PDIK1L: variants seen among roughly 807,000 people sequenced by gnomAD.
The protein encoded by PDIK1L is serine/threonine-protein kinase PDIK1L.
Under a neutral mutation model 27.1 loss-of-function variants are expected in PDIK1L, and 9 were observed. That is an observed-to-expected ratio of 0.33 (90% confidence interval 0.20 to 0.58). The LOEUF is 0.58. PDIK1L is among the 20% of genes least tolerant of loss of function. The pLI is 0.86. For synonymous variants in PDIK1L, 130 were observed against 141.7 expected, an observed-to-expected ratio of 0.92 and a Z score of 0.59; for missense variants, 216 against 413.2, an observed-to-expected ratio of 0.52 and a Z score of 4.14.
chr1:26,119,469 G>A (rs939181145), intron 2 of PDIK1L, among the ~76,000 whole-genome samples: 1 of 152,120 alleles, frequency 6.6e-6, no homozygotes, highest in Non-Finnish European at 1.5e-5. Context: ...AAAACTTGTA[G>A]TGTGAAGAGG....
chr1:26,121,707 A>G (rs1199031814), intron 2 of PDIK1L, 130 bp from the exon 3 acceptor site: 8 of 983,314 alleles, frequency 8.1e-6, no homozygotes, highest in Non-Finnish European at 7.1e-6. Flanking sequence ...GAAAGCACTG[A>G]TTAAATAAAA....
Position 26,118,270 on chromosome 1 carries a change from A to G in PDIK1L, c.286-3567A>G, listed in dbSNP as rs2087915009. ...CAGGAGTTCAAGACTGCAGTGAGCCATGATCGCACCACTGCACTCTAGCCT... is the reference window on the plus strand; with the variant it reads ...CAGGAGTTCAAGACTGCAGTGAGCCGTGATCGCACCACTGCACTCTAGCCT... On this transcript the variant is annotated intron_variant, in intron 2 of 2. Transcript: ENST00000374269. 2.0e-5 allele frequency among the ~76,000 whole-genome samples: 3 copies of G among 152,280 alleles called. No homozygotes were observed. In the South Asian group the frequency reaches 6.2e-4, roughly 32 times the overall value.
At position 26,111,851 on chromosome 1, in the gene PDIK1L, G is replaced by T. The variant is rs750586292; in HGVS notation, c.-82G>T. 2 of 152,186 alleles carry T rather than the reference G, an allele frequency of 1.3e-5. No individual in the cohort carries two copies. Among genetic ancestry groups the T allele is most frequent in the Non-Finnish European group, 2.9e-5 (2 of 68,120 alleles). 9.4% of individuals were successfully genotyped at this position (152,186 alleles called of 1,614,324 possible). A position where few individuals can be genotyped will look rare whatever the true frequency, so the allele number is the denominator to read the frequency against. Reference sequence around the variant, plus strand: ...CTGGAGGCGGCGGCAGCGGAGGCGCGAGCTGCCCGATAATGGCGGCCTGCA... The same window carrying T: ...CTGGAGGCGGCGGCAGCGGAGGCGCTAGCTGCCCGATAATGGCGGCCTGCA... On this transcript the variant is annotated 5_prime_UTR_variant, in exon 1 of 3. Coordinates refer to ENST00000374269, the MANE Select transcript of PDIK1L (RefSeq NM_152835.5). The surrounding 1 kb of genome is among the most constrained non-coding windows in gnomAD (Gnocchi z 4.0).
chr1:26,121,391 T>C (rs2087984842), intron 2 of PDIK1L, among the ~76,000 whole-genome samples: 1 of 152,214 alleles, frequency 6.6e-6, no homozygotes, highest in Admixed American at 6.5e-5. Context: ...GTTGATAGTG[T>C]CTGTGCAATC....
At chr1:26,116,982 T>C (rs1459538206) in intron 2 of PDIK1L, among the ~76,000 whole-genome samples, 2 of 150,472 alleles carry the variant, frequency 1.3e-5, no homozygotes, top group African/African-American at 4.9e-5. Context: ...TCCCAAAGTG[T>C]TGGGATTACA....
At chr1:26,116,536 CCT>C (rs1324065614) in intron 2 of PDIK1L, among the ~76,000 whole-genome samples, 1 of 152,134 alleles carries the variant, frequency 6.6e-6, no homozygotes, top group Non-Finnish European at 1.5e-5. Flanking sequence ...GAAAACAAAA[CCT>C]CTGTTTTTAA....
At chr1:26,116,280 C>T (rs1187739539) in intron 2 of PDIK1L, among the ~76,000 whole-genome samples, 1 of 151,520 alleles carries the variant, frequency 6.6e-6, no homozygotes, top group Non-Finnish European at 1.5e-5. Flanking sequence ...GAGGGTGAAG[C>T]AGGAGGATCA....
At chr1:26,121,043 G>A (rs534057131) in intron 2 of PDIK1L, among the ~76,000 whole-genome samples, 3 of 151,662 alleles carry the variant, frequency 2.0e-5, no homozygotes, top group East Asian at 1.9e-4. Flanking sequence ...GTAAAGGAGC[G>A]TTATAACTAG....
intron 1 of PDIK1L, among the ~76,000 whole-genome samples, chr1:26,113,165 T>C (rs1178981343): frequency 6.6e-6 from 1 of 152,254 alleles, no homozygotes; most frequent in African/African-American, 2.4e-5. Context: ...AACTGTATTC[T>C]AAGTATCCAA....
upstream of PDIK1L, chr1:26,111,182 C>G (rs1306216109): frequency 6.3e-6 from 1 of 157,600 alleles, no homozygotes; most frequent in Non-Finnish European, 1.4e-5. This position sits in a 1 kb window ranked among gnomAD's most constrained non-coding sequence, Gnocchi z 4.0. Context: ...CGCACCCAGC[C>G]CCGCGCCGCC....
chr1:26,116,017 A>G (rs1213785808), intron 2 of PDIK1L, among the ~76,000 whole-genome samples: 1 of 152,152 alleles, frequency 6.6e-6, no homozygotes, highest in East Asian at 1.9e-4. Context: ...CCTGGCCAAC[A>G]TGGCAAAACC....
In PDIK1L at chr1:26,122,542, C is replaced by A; in HGVS notation, c.991C>A (p.Gln331Lys). The change falls in exon 3 of 3, where the codon CAA (glutamine) becomes AAA (lysine). Residue 331 changes from glutamine (Q) to lysine (K), a missense_variant. Transcript: ENST00000374269. This position sits in a 1 kb window ranked among gnomAD's most constrained non-coding sequence, Gnocchi z 5.4. ...TTTTGAACTAGAACTCAGATTAGTA[C>A]AAATTGCATTTAAAGATAGCAGCTG... ...DAFELELRLV[Q>K]IAFKDSSWET is the part of the protein sequence containing the mutation. 6.2e-7 allele frequency: 1 copy of A among 1,608,636 alleles called. No homozygotes were observed. The highest frequency in any genetic ancestry group is 8.5e-7 in the Non-Finnish European group (1 of 1,177,070).
intron 2 of PDIK1L, among the ~76,000 whole-genome samples, chr1:26,119,146 G>A (rs2087931026): frequency 6.6e-6 from 1 of 152,084 alleles, no homozygotes; most frequent in Admixed American, 6.5e-5. Context: ...AGTGGCTTAC[G>A]CCTGCAATCC....
At chr1:26,121,386 T>C (rs2087984800) in intron 2 of PDIK1L, among the ~76,000 whole-genome samples, 1 of 152,198 alleles carries the variant, frequency 6.6e-6, no homozygotes, top group Non-Finnish European at 1.5e-5. Flanking sequence ...GTTATGTTGA[T>C]AGTGTCTGTG....
Position 26,114,274 on chromosome 1 carries a change from CT to C in PDIK1L, c.-17-15del. On this transcript the variant is annotated splice_polypyrimidine_tract_variant and intron_variant, in intron 1 of 2. Transcript: ENST00000374269. This position sits in a 1 kb window ranked among gnomAD's most constrained non-coding sequence, Gnocchi z 4.8. ...AGGTATACATAATTTCAACAGAGCA[CT>C]TTGTTGATTTTTCCAGAAACCTCGA... 1 of 1,588,820 alleles carries C rather than the reference CT, an allele frequency of 6.3e-7. No individual in the cohort carries two copies. The highest frequency in any genetic ancestry group is 1.1e-5 in the South Asian group (1 of 88,082).
At chr1:26,120,932 CAG>C (rs1162902037) in intron 2 of PDIK1L, among the ~76,000 whole-genome samples, 3 of 120,148 alleles carry the variant, frequency 2.5e-5, no homozygotes, top group Non-Finnish European at 4.9e-5. Context: ...AGCCTGGTGA[CAG>C]AGCAAGACTC....
chr1:26,118,489 C>A (rs1002881028), intron 2 of PDIK1L, among the ~76,000 whole-genome samples: 2 of 152,136 alleles, frequency 1.3e-5, no homozygotes, highest in African/African-American at 4.8e-5. Context: ...TCTCTTTCAT[C>A]TTTTAAAGCC....
Position 26,124,405 on chromosome 1 carries a change from C to T in PDIK1L, c.*1828C>T, listed in dbSNP as rs2088043364. Reference sequence around the variant, plus strand: ...TCATGATAATTGACCCTCTGGATCACCAGATTAGTTTAATTTAACAGATAT... The same window carrying T: ...TCATGATAATTGACCCTCTGGATCATCAGATTAGTTTAATTTAACAGATAT... On this transcript the variant is annotated 3_prime_UTR_variant, in exon 3 of 3. Coordinates refer to ENST00000374269, the MANE Select transcript of PDIK1L (RefSeq NM_152835.5). 6.6e-6 allele frequency: 1 copy of T among 152,100 alleles called. No individual in the cohort carries two copies. The highest frequency in any genetic ancestry group is 1.5e-5 in the Non-Finnish European group (1 of 68,020). 9.4% of individuals were successfully genotyped at this position (152,100 alleles called of 1,614,324 possible).
chr1:26,116,973 C>T (rs1454296532), intron 2 of PDIK1L, among the ~76,000 whole-genome samples: 4 of 151,646 alleles, frequency 2.6e-5, no homozygotes, highest in Non-Finnish European at 5.9e-5. Flanking sequence ...ACCTCGGCCT[C>T]CCAAAGTGTT....
Sources: allele counts gnomAD v4.1 joint callset (sites outside exome capture counted in the v4.1 genomes callset), GRCh38; gene constraint gnomAD v4.1.1; non-coding constraint Gnocchi (gnomAD v3.1); transcripts MANE v1.5; gene names NCBI Gene and HGNC (gene_info 2026-07-23, HGNC 2026-07-21).